Variants in HTR4 observed in about 807,000 individuals in gnomAD.
The protein encoded by HTR4 is 5-hydroxytryptamine receptor 4.
HTR4 carries 16 observed loss-of-function variants against 36.8 expected under a neutral mutation model. The ratio of observed to expected loss-of-function variants is 0.43; its 90% CI spans 0.29 to 0.66. The LOEUF (loss-of-function observed/expected upper bound fraction) is 0.66, where lower values mean the gene tolerates loss of function less well. HTR4 is among the 30% of genes least tolerant of loss of function. The pLI, the probability that HTR4 is intolerant of heterozygous loss-of-function variation, is 0.13. For missense variants in HTR4, 438 were observed against 490.9 expected, an observed-to-expected ratio of 0.89 and a Z score of 1.02; for synonymous variants, 189 against 185.1, an observed-to-expected ratio of 1.02 and a Z score of -0.17.
Position 148,482,171 on chromosome 5 carries a change from G to C in HTR4, c.*1032C>G. On this transcript the variant is annotated 3_prime_UTR_variant, in exon 7 of 7. Transcript: ENST00000377888. ...TGCCTCGGCATCCCCAGTGCTGCTG[G>C]ATCCTGCCCTCCTGCACCTTGGGGG... 1 of 985,710 alleles carries C rather than the reference G, an allele frequency of 1.0e-6. No individual in the cohort carries two copies. Among genetic ancestry groups the C allele is most frequent in the Middle Eastern group, 5.2e-4 (1 of 1,914 alleles). 61.1% of individuals were successfully genotyped at this position (985,710 alleles called of 1,614,324 possible).
intron 4 of HTR4, among the ~76,000 whole-genome samples, chr5:148,534,068 T>A (rs369721448): frequency 6.6e-6 from 1 of 152,234 alleles, no homozygotes; most frequent in Non-Finnish European, 1.5e-5. Flanking sequence ...TGGAGGTGGT[T>A]ACATGTAAGA....
At chr5:148,458,497 G>C (rs1451696631) in intron 5 of HTR4, among the ~76,000 whole-genome samples, 1 of 152,120 alleles carries the variant, frequency 6.6e-6, no homozygotes, top group East Asian at 1.9e-4. Flanking sequence ...GCTACAAGTA[G>C]TGTCAGGAGT....
chr5:148,644,449 T>TTTTTTTTTTTC (rs1753821326), intron 1 of HTR4, among the ~76,000 whole-genome samples: 1 of 140,884 alleles, frequency 7.1e-6, no homozygotes, highest in African/African-American at 2.7e-5. Flanking sequence ...TTTTTTTTTT[T>TTTTTTTTTTTC]TTTTTTGCTG....
intron 5 of HTR4, among the ~76,000 whole-genome samples, chr5:148,519,106 C>T (rs578078742): frequency 7.1e-4 from 108 of 152,130 alleles, no homozygotes; most frequent in African/African-American, 2.4e-3. Flanking sequence ...GCAGCCATTA[C>T]GAGCTTAGAC....
At chr5:148,452,182 T>TC (rs1754989118) in intron 5 of HTR4, among the ~76,000 whole-genome samples, 1 of 152,252 alleles carries the variant, frequency 6.6e-6, no homozygotes, top group Non-Finnish European at 1.5e-5. Context: ...CTAAGCCCTC[T>TC]CCATAAATTA....
At chr5:148,644,430 T>G (rs1041743669) in intron 1 of HTR4, among the ~76,000 whole-genome samples, 1 of 127,210 alleles carries the variant, frequency 7.9e-6, no homozygotes, top group African/African-American at 3.2e-5. Flanking sequence ...AAGTTTTTTT[T>G]TTTTTTTTTT....
chr5:148,622,649 A>G (rs918637272), intron 2 of HTR4, among the ~76,000 whole-genome samples: 15 of 152,228 alleles, frequency 9.9e-5, no homozygotes, highest in African/African-American at 3.6e-4. Context: ...AAAAGAAAAT[A>G]TCTTTTATAC....
At position 148,523,185 on chromosome 5, in the gene HTR4, A is replaced by T. The variant is rs199886610; in HGVS notation, c.507+8T>A. On this transcript the variant is annotated splice_region_variant and intron_variant, in intron 5 of 6. Transcript: ENST00000377888. ...CAGTAAACCAGTGAGGTCTGTGTGGATACTCACCAAATCAATTATGCCAAT... is the reference window on the plus strand; with the variant it reads ...CAGTAAACCAGTGAGGTCTGTGTGGTTACTCACCAAATCAATTATGCCAAT... The T allele has an allele frequency of 1.4e-5, 23 of 1,612,090 alleles. No homozygotes were observed. Among genetic ancestry groups the T allele is most frequent in the Non-Finnish European group, 2.0e-5 (23 of 1,178,692 alleles).
chr5:148,630,207 T>G (rs1321526347), intron 2 of HTR4: 2 of 152,182 alleles, frequency 1.3e-5, no homozygotes, highest in Non-Finnish European at 2.9e-5. Flanking sequence ...TTTTCCTGCC[T>G]GGACACTGAC....
At chr5:148,495,057 G>C (rs1756624747) in intron 6 of HTR4, among the ~76,000 whole-genome samples, 2 of 152,172 alleles carry the variant, frequency 1.3e-5, no homozygotes, top group Admixed American at 1.3e-4. Flanking sequence ...AATTGGGTAA[G>C]TGTCCTAGGT....
intron 2 of HTR4, among the ~76,000 whole-genome samples, chr5:148,602,728 A>G (rs1168245645): frequency 6.6e-6 from 1 of 152,188 alleles, no homozygotes; most frequent in Non-Finnish European, 1.5e-5. Context: ...GAGTAATTCA[A>G]TTGACCCTAG....
intron 2 of HTR4, among the ~76,000 whole-genome samples, chr5:148,626,214 G>T (rs1287204805): frequency 6.6e-6 from 1 of 152,210 alleles, no homozygotes; most frequent in African/African-American, 2.4e-5. Context: ...TCTGTGGCGT[G>T]ACTCAATTTG....
intron 1 of HTR4, among the ~76,000 whole-genome samples, chr5:148,644,421 A>ATTTTTTTTTTTTTTTTT (rs1753815914): frequency 2.3e-5 from 2 of 85,850 alleles, no homozygotes; most frequent in African/African-American, 9.0e-5. Context: ...CAAGCTCACA[A>ATTTTTTTTTTTTTTTTT]GTTTTTTTTT....
chr5:148,521,757 C>T (rs1758031890), intron 5 of HTR4, among the ~76,000 whole-genome samples: 1 of 152,096 alleles, frequency 6.6e-6, no homozygotes, highest in African/African-American at 2.4e-5. Flanking sequence ...AGACCTTCTT[C>T]TCCATTGAGA....
At position 148,654,045 on chromosome 5, in the gene HTR4, G is replaced by A. The variant is rs1754120428; in HGVS notation, c.-48+17C>T. 3 of 985,002 alleles carry A rather than the reference G, an allele frequency of 3.0e-6. No homozygotes were observed. The highest frequency in any genetic ancestry group is 3.6e-6 in the Non-Finnish European group (3 of 829,814). 61.0% of individuals were successfully genotyped at this position (985,002 alleles called of 1,614,324 possible). A position where few individuals can be genotyped will look rare whatever the true frequency, so the allele number is the denominator to read the frequency against. ...GGCTCCTGGGGTCCCGACCCCCGGC[G>A]CACTTGCCGCACATACCCGCTGCCA... On this transcript the variant is annotated intron_variant, in intron 1 of 6. Transcript: ENST00000377888.
At chr5:148,637,098 A>G in intron 1 of HTR4, 37 bp from the exon 2 acceptor site, 5 of 1,372,876 alleles carry the variant, frequency 3.6e-6, no homozygotes, top group Non-Finnish European at 5.2e-6. Context: ...TATAAAAGAA[A>G]GCAGCATTGA....
intron 6 of HTR4, among the ~76,000 whole-genome samples, chr5:148,490,245 A>G (rs1340675768): frequency 1.3e-5 from 2 of 150,352 alleles, no homozygotes; most frequent in African/African-American, 4.9e-5. Flanking sequence ...AAATATATCC[A>G]ATATTTTTTC....
chr5:148,640,917 A>G (rs1055693297), intron 1 of HTR4, among the ~76,000 whole-genome samples: 11 of 152,204 alleles, frequency 7.2e-5, no homozygotes, highest in African/African-American at 2.2e-4. Context: ...CTGAAACCCA[A>G]TGAGCAAATT....
chr5:148,483,644 T>A (rs189030787), intron 6 of HTR4, among the ~76,000 whole-genome samples: 2 of 152,318 alleles, frequency 1.3e-5, no homozygotes, highest in Admixed American at 1.3e-4. Flanking sequence ...TAGTTCATTA[T>A]ATATTATAGT....
Sources: allele counts gnomAD v4.1 joint callset (sites outside exome capture counted in the v4.1 genomes callset), GRCh38; gene constraint gnomAD v4.1.1; transcripts MANE v1.5; gene names NCBI Gene and HGNC (gene_info 2026-07-23, HGNC 2026-07-21).